Variants in COL13A1 observed in about 807,000 individuals in gnomAD.
COL13A1 encodes the protein collagen alpha-1(XIII) chain.
COL13A1 carries 89 observed loss-of-function variants against 130.9 expected under a neutral mutation model. The observed-to-expected ratio is 0.68, with a 90% CI of 0.57 to 0.81. The LOEUF is 0.81. COL13A1 is among the 30% of genes least tolerant of loss of function. COL13A1 has a pLI of 0.00. For missense variants in COL13A1, 879 were observed against 934.6 expected (o/e 0.94, Z 0.78); for synonymous variants, 402 against 341.6 (o/e 1.18, Z -1.95).
At chr10:69,872,279 T>C (rs2059150330) in intron 4 of COL13A1, 69 bp downstream of exon 4, 2 of 1,582,524 alleles carry the variant, frequency 1.3e-6, no homozygotes, top group Non-Finnish European at 1.7e-6. Flanking sequence ...GAGGACTGGC[T>C]AGGTTGGGTG....
chr10:69,876,202 C>G (rs975191330), intron 5 of COL13A1, among the ~76,000 whole-genome samples: 6 of 152,182 alleles, frequency 3.9e-5, no homozygotes, highest in African/African-American at 1.4e-4. Context: ...CCTACTCTTC[C>G]GATGAGAAAA....
chr10:69,813,249 T>C (rs1331053744), intron 1 of COL13A1, among the ~76,000 whole-genome samples: 1 of 152,018 alleles, frequency 6.6e-6, no homozygotes, highest in East Asian at 1.9e-4. Context: ...ACCCCTGAGA[T>C]CCTTGAGGTC....
At chr10:69,925,075 G>C in intron 25 of COL13A1, 68 bp downstream of exon 25, 1 of 1,406,074 alleles carries the variant, frequency 7.1e-7, no homozygotes, top group Non-Finnish European at 9.4e-7. Context: ...ATCTGAGACA[G>C]GTCTCAATTA....
In COL13A1 at chr10:69,942,277, T is replaced by C. The variant is rs568695344; in HGVS notation, c.1914+1254T>C. Among the ~76,000 whole-genome samples the C allele has an allele frequency of 2.0e-5, 3 of 152,316 alleles. No homozygotes were observed. In the South Asian group the frequency reaches 6.2e-4, roughly 32 times the overall value. On this transcript the variant is annotated intron_variant, in intron 35 of 40. Transcript: ENST00000645393. ...TTCAGAGCCCCCCACCTCCCTGCAC[T>C]GATGGAGTTCACACTGTAAACCCTT...
chr10:69,850,732 G>A (rs1434678122), intron 2 of COL13A1, among the ~76,000 whole-genome samples: 1 of 125,010 alleles, frequency 8.0e-6, no homozygotes, highest in Non-Finnish European at 1.7e-5. Context: ...GAGGGGAAGA[G>A]AGAGAAGGGA....
chr10:69,842,465 A>T (rs911521758), intron 2 of COL13A1, among the ~76,000 whole-genome samples: 5 of 152,172 alleles, frequency 3.3e-5, no homozygotes, highest in African/African-American at 1.2e-4. Context: ...CCCTTATAGG[A>T]TGTCCATGCT....
rs992694752 is a variant in COL13A1 at position 69,836,842 on chromosome 10, G to A, written c.364+14404G>A. 1.2e-4 allele frequency among the ~76,000 whole-genome samples: 18 copies of A among 152,316 alleles called. No individual in the cohort carries two copies. In the South Asian group the frequency reaches 3.7e-3, roughly 32 times the overall value. On this transcript the variant is annotated intron_variant, in intron 2 of 40. Coordinates refer to ENST00000645393, the MANE Select transcript of COL13A1 (RefSeq NM_001368882.1). ...TGCCTTCCTCTTTAAACCCCAACTG[G>A]GGAGGAAATGCCTGCCACAGAAAGA...
At position 69,937,580 on chromosome 10, in the gene COL13A1, T is replaced by A. The variant is rs989696004; in HGVS notation, c.1798-55T>A. On this transcript the variant is annotated intron_variant, in intron 33 of 40. Transcript: ENST00000645393. The stretch of plus-strand genomic sequence containing the variant: ...CCTCCAGGACCCCAGAATGCAAGAA[T>A]GAATTGTCTGGGACATGTCCTTGTG... 9.3e-6 allele frequency: 8 copies of A among 860,188 alleles called. No homozygotes were observed. The East Asian group carries it at 1.5e-4, about 16-fold the overall frequency. The allele number at this position is 860,188 out of a possible 1,614,324, so 53.3% of individuals were successfully genotyped here.
intron 14 of COL13A1, among the ~76,000 whole-genome samples, chr10:69,900,819 G>A (rs760893099): frequency 3.9e-5 from 6 of 152,150 alleles, no homozygotes; most frequent in South Asian, 2.1e-4. Flanking sequence ...GGGTCCTGGC[G>A]CCACCCTGAA....
At chr10:69,858,115 C>CAAAAAAAAAAACAAAAAAAAAAAAA (rs1856967278) in intron 2 of COL13A1, among the ~76,000 whole-genome samples, 1 of 80,384 alleles carries the variant, frequency 1.2e-5, no homozygotes, top group Non-Finnish European at 2.2e-5. Flanking sequence ...GACTCCGTCT[C>CAAAAAAAAAAACAAAAAAAAAAAAA]AAAAAAAAAA....
chr10:69,910,788 G>A (rs1024198992), intron 17 of COL13A1, among the ~76,000 whole-genome samples: 6 of 152,354 alleles, frequency 3.9e-5, no homozygotes, highest in Non-Finnish European at 7.3e-5. Flanking sequence ...GGGGGTTGAC[G>A]AGTATTGTCA....
chr10:69,835,741 C>T (rs868674743), intron 2 of COL13A1, among the ~76,000 whole-genome samples: 2 of 152,194 alleles, frequency 1.3e-5, no homozygotes, highest in Non-Finnish European at 2.9e-5. Flanking sequence ...TACCCTGGAG[C>T]ACAGTGGGAA....
At chr10:69,919,153 G>T (rs1589515700) in intron 20 of COL13A1, 65 bp downstream of exon 20, 6 of 1,603,468 alleles carry the variant, frequency 3.7e-6, no homozygotes, top group Non-Finnish European at 5.1e-6. Flanking sequence ...GGTGGGAGGG[G>T]CTGCTGCTGT....
Position 69,922,478 on chromosome 10 carries a change from C to T in COL13A1, c.1144-230C>T, listed in dbSNP as rs557077500. Among the ~76,000 whole-genome samples the T allele has an allele frequency of 4.6e-5, 7 of 152,330 alleles. No individual in the cohort carries two copies. In the South Asian group the frequency reaches 6.2e-4, roughly 14 times the overall value. On this transcript the variant is annotated intron_variant, in intron 22 of 40. Coordinates refer to ENST00000645393, the MANE Select transcript of COL13A1 (RefSeq NM_001368882.1). ...TCCGTGGAATACACTTTGAGAAACACGGCTCCAGACCCAGTTTTGAAGGAT... is the reference window on the plus strand; with the variant it reads ...TCCGTGGAATACACTTTGAGAAACATGGCTCCAGACCCAGTTTTGAAGGAT...
chr10:69,860,359 G>C (rs1241756363), intron 2 of COL13A1, among the ~76,000 whole-genome samples: 1 of 152,194 alleles, frequency 6.6e-6, no homozygotes, highest in Non-Finnish European at 1.5e-5. Context: ...TTGAAAGCGG[G>C]CATGAGGGAG....
At position 69,958,934 on chromosome 10, in the gene COL13A1, C is replaced by A; in HGVS notation, c.*233C>A. The A allele has an allele frequency of 1.8e-6, 1 of 549,084 alleles. No individual in the cohort carries two copies. Among genetic ancestry groups the A allele is most frequent in the South Asian group, 2.6e-5 (1 of 37,914 alleles). The allele number at this position is 549,084 out of a possible 1,614,324, so 34.0% of individuals were successfully genotyped here. The stretch of plus-strand genomic sequence containing the variant: ...ATTTTTTGTTTGGTCGTAATGTCTG[C>A]ATGATATTTGTGCACATTTATTAAG... On this transcript the variant is annotated 3_prime_UTR_variant, in exon 41 of 41. Coordinates refer to ENST00000645393, the MANE Select transcript of COL13A1 (RefSeq NM_001368882.1).
At chr10:69,860,182 C>G (rs895199166) in intron 2 of COL13A1, among the ~76,000 whole-genome samples, 1 of 152,198 alleles carries the variant, frequency 6.6e-6, no homozygotes, top group African/African-American at 2.4e-5. Flanking sequence ...CAGATGAGCC[C>G]TGCTCCAGGG....
chr10:69,887,285 C>G (rs897806193), intron 7 of COL13A1, among the ~76,000 whole-genome samples, 171 bp from the exon 8 acceptor site: 7 of 152,174 alleles, frequency 4.6e-5, no homozygotes, highest in Non-Finnish European at 8.8e-5. Flanking sequence ...CTATGATGTT[C>G]CATTTCATCT....
At chr10:69,895,120 C>T (rs1589359417) in intron 12 of COL13A1, among the ~76,000 whole-genome samples, 1 of 152,348 alleles carries the variant, frequency 6.6e-6, no homozygotes, top group Non-Finnish European at 1.5e-5. Flanking sequence ...TGCCCTTGGG[C>T]CGCTGGTACA....
Sources: allele counts gnomAD v4.1 joint callset (sites outside exome capture counted in the v4.1 genomes callset), GRCh38; gene constraint gnomAD v4.1.1; transcripts MANE v1.5; gene names NCBI Gene and HGNC (gene_info 2026-07-23, HGNC 2026-07-21).